The following AKAP8 variants were observed in gnomAD, a reference collection of about 807,000 sequenced individuals.
AKAP8 encodes the protein A-kinase anchor protein 8.
Under a neutral mutation model 67.5 loss-of-function variants are expected in AKAP8, and 24 were observed. The ratio of observed to expected loss-of-function variants is 0.36; its 90% CI spans 0.26 to 0.50. The LOEUF is 0.50. Ranked by LOEUF, AKAP8 falls within the 20% of genes least tolerant of loss-of-function variation. AKAP8 has a pLI of 0.97. For synonymous variants in AKAP8, 400 were observed against 371.1 expected (o/e 1.08, Z -0.90); for missense variants, 971 against 955.9 (o/e 1.02, Z -0.21).
intron 1 of AKAP8, 67 bp from the exon 2 acceptor site, chr19:15,377,081 C>T (rs1967265897): frequency 1.3e-6 from 2 of 1,544,950 alleles, no homozygotes; most frequent in South Asian, 1.2e-5. Context: ...TTTGGGGGTA[C>T]TCCTAAAGGG....
intron 9 of AKAP8, among the ~76,000 whole-genome samples, chr19:15,363,495 C>T (rs1357440280): frequency 1.4e-5 from 2 of 138,950 alleles, no homozygotes; most frequent in African/African-American, 3.0e-5. Flanking sequence ...GGGGGGTCAG[C>T]CCCCCGCCCG....
Position 15,372,299 on chromosome 19 carries a change from T to C in AKAP8, c.910A>G (p.Lys304Glu), listed in dbSNP as rs1433315191. The change falls in exon 6 of 14, where the codon AAA (lysine) becomes GAA (glutamate). Residue 304 changes from lysine to glutamate, a missense_variant. Lys to Glu is a moderately conservative substitution (Grantham distance 56, BLOSUM62 1). This residue lies in a region of AKAP8 where 763 missense variants were observed against 745.4 expected (regional missense o/e 1.02). Transcript: ENST00000269701. ...TCGTAAAGTTGGAACTGCTTCCGTT[T>C]CCTGCCCGTGCCATCTGGTCCGAAG... ...DRFGPDGTGRKRKQFQLYEEP... is the reference protein window; with the variant it reads ...DRFGPDGTGRERKQFQLYEEP... 6.2e-7 allele frequency: 1 copy of C among 1,614,042 alleles called. No individual in the cohort carries two copies. The highest frequency in any genetic ancestry group is 1.7e-5 in the Admixed American group (1 of 60,000).
chr19:15,364,352 T>A (rs1967035878), intron 9 of AKAP8, among the ~76,000 whole-genome samples: 1 of 151,464 alleles, frequency 6.6e-6, no homozygotes, highest in Non-Finnish European at 1.5e-5. Flanking sequence ...TATTTTATTT[T>A]ATTTATTTAT....
At chr19:15,366,249 G>A (rs1189420498) in intron 9 of AKAP8, among the ~76,000 whole-genome samples, 2 of 150,000 alleles carry the variant, frequency 1.3e-5, no homozygotes, top group Admixed American at 6.6e-5. Flanking sequence ...GATCTCTTGA[G>A]GCTAGTTCAA....
In AKAP8 at chr19:15,353,468, A is replaced by G. The variant is rs1036759967; in HGVS notation, c.*1447T>C. 4.0e-5 allele frequency: 6 copies of G among 151,802 alleles called. No individual in the cohort carries two copies. Among genetic ancestry groups the G allele is most frequent in the African/African-American group, 1.5e-4 (6 of 41,360 alleles). The allele number at this position is 151,802 out of a possible 1,614,324, so 9.4% of individuals were successfully genotyped here. A position where few individuals can be genotyped will look rare whatever the true frequency, so the allele number is the denominator to read the frequency against. ...AAGGCATGCTCACCCTGCGATTAAG[A>G]CGCATCTACACAACACAAACGGATG... is the stretch of plus-strand genomic sequence containing the variant. On this transcript the variant is annotated 3_prime_UTR_variant, in exon 14 of 14. Transcript: ENST00000269701.
intron 9 of AKAP8, among the ~76,000 whole-genome samples, chr19:15,366,274 G>A (rs1224579155): frequency 3.3e-5 from 5 of 151,166 alleles, no homozygotes; most frequent in African/African-American, 7.3e-5. Context: ...CCAAGCAACA[G>A]AGAAAGACCC....
Position 15,372,922 on chromosome 19 carries a change from C to A in AKAP8, c.790G>T (p.Ala264Ser). 1 of 1,524,288 alleles carries A rather than the reference C, an allele frequency of 6.6e-7. No individual in the cohort carries two copies. The highest frequency in any genetic ancestry group is 8.8e-7 in the Non-Finnish European group (1 of 1,137,020). 94.4% of individuals were successfully genotyped at this position (1,524,288 alleles called of 1,614,324 possible). A position where few individuals can be genotyped will look rare whatever the true frequency, so the allele number is the denominator to read the frequency against. ...PDYGVMGMQG[A>S]GGYDSTMPYG... ...GGCATGGTGCTGTCATAGCCGCCCG[C>A]CCCCTGCATGCCCATCACGCCGTAG... Residue 264 changes from alanine to serine, a missense_variant, in exon 5 of 14, where the codon GCG becomes TCG. Transcript: ENST00000269701.
chr19:15,378,028 A>G (rs1307603984), intron 1 of AKAP8, among the ~76,000 whole-genome samples: 1 of 151,998 alleles, frequency 6.6e-6, no homozygotes, highest in Non-Finnish European at 1.5e-5. Flanking sequence ...GAACATATCC[A>G]TGTCTCCCTC....
intron 13 of AKAP8, 61 bp downstream of exon 13, chr19:15,358,906 T>C: frequency 6.7e-7 from 1 of 1,483,448 alleles, no homozygotes; most frequent in Non-Finnish European, 9.4e-7. Context: ...AACTCCCTGC[T>C]CCTGGGGTTC....
Position 15,362,349 on chromosome 19 carries a change from G to A in AKAP8, c.1161-98C>T, listed in dbSNP as rs1966981515. On this transcript the variant is annotated intron_variant, in intron 9 of 13. Coordinates refer to ENST00000269701, the MANE Select transcript of AKAP8 (RefSeq NM_005858.4). ...TCTGAGGAGAGCTGAAATAGAAACAGGATTTTCAGCTCTCCCCCTCCCCCT... is the reference window on the plus strand; with the variant it reads ...TCTGAGGAGAGCTGAAATAGAAACAAGATTTTCAGCTCTCCCCCTCCCCCT... 3.6e-6 allele frequency: 5 copies of A among 1,390,606 alleles called. No homozygotes were observed. The Middle Eastern group carries it at 6.3e-4, about 175-fold the overall frequency. The allele number at this position is 1,390,606 out of a possible 1,614,324, so 86.1% of individuals were successfully genotyped here. A position where few individuals can be genotyped will look rare whatever the true frequency, so the allele number is the denominator to read the frequency against.
intron 2 of AKAP8, 87 bp from the exon 3 acceptor site, chr19:15,374,722 G>A: frequency 6.6e-7 from 1 of 1,504,684 alleles, no homozygotes; most frequent in Non-Finnish European, 9.2e-7. Flanking sequence ...ACCCTCCACA[G>A]CCCCAGGGCC....
intron 3 of AKAP8, 35 bp downstream of exon 3, chr19:15,374,568 G>A (rs373442501): frequency 3.6e-5 from 58 of 1,606,468 alleles, no homozygotes; most frequent in Non-Finnish European, 4.3e-5. Context: ...AGGCCCACTT[G>A]CCCGCCCACA....
At chr19:15,363,368 C>A (rs1266361424) in intron 9 of AKAP8, among the ~76,000 whole-genome samples, 24 of 145,692 alleles carry the variant, frequency 1.6e-4, no homozygotes, top group Admixed American at 5.4e-4. Flanking sequence ...GGGGGTCAGC[C>A]CCCCGCCCGG....
In AKAP8 at chr19:15,368,229, C is replaced by A; in HGVS notation, c.1160+6G>T. 2 of 1,611,262 alleles carry A rather than the reference C, an allele frequency of 1.2e-6. No individual in the cohort carries two copies. The highest frequency in any genetic ancestry group is 1.7e-6 in the Non-Finnish European group (2 of 1,179,846). On this transcript the variant is annotated splice_donor_region_variant and intron_variant, in intron 9 of 13. Transcript: ENST00000269701. ...CCTCCTGTGGGGTCGTGTGCCCGCGCCTCACCTGTCGGCTGCACGGTCCCG... is the reference window on the plus strand; with the variant it reads ...CCTCCTGTGGGGTCGTGTGCCCGCGACTCACCTGTCGGCTGCACGGTCCCG...
At chr19:15,363,673 G>A (rs1967018902) in intron 9 of AKAP8, among the ~76,000 whole-genome samples, 1 of 152,126 alleles carries the variant, frequency 6.6e-6, no homozygotes, top group African/African-American at 2.4e-5. Flanking sequence ...ACAGCTCATT[G>A]AGAACGGGCC....
chr19:15,368,703 G>A (rs969650731), intron 8 of AKAP8: 14 of 985,194 alleles, frequency 1.4e-5, no homozygotes, highest in Non-Finnish European at 1.7e-5. Context: ...CCCGGATGAA[G>A]AGGCGGCAGC....
rs1967345046 is a variant in AKAP8 at position 15,379,785 on chromosome 19, T to C, written c.-54A>G. 6.2e-7 allele frequency: 1 copy of C among 1,607,938 alleles called. No homozygotes were observed. The highest frequency in any genetic ancestry group is 1.1e-5 in the South Asian group (1 of 90,140). ...GTTTACTAGGCGACCACAGCACGCA[T>C]GCGTTCAGCGCACCTCCGCCATCGA... On this transcript the variant is annotated 5_prime_UTR_variant, in exon 1 of 14. An upstream start codon of the reference 5' UTR is lost. Coordinates refer to ENST00000269701, the MANE Select transcript of AKAP8 (RefSeq NM_005858.4).
At chr19:15,370,625 CTTTTTTT>C (rs71176407) in intron 7 of AKAP8, among the ~76,000 whole-genome samples, 2 of 80,968 alleles carry the variant, frequency 2.5e-5, no homozygotes, top group Non-Finnish European at 4.4e-5. Context: ...TACCCAATGT[CTTTTTTT>C]TTTTTTTTTT....
intron 2 of AKAP8, among the ~76,000 whole-genome samples, chr19:15,375,902 T>C (rs1568255037): frequency 6.6e-6 from 1 of 151,768 alleles, no homozygotes; most frequent in Non-Finnish European, 1.5e-5. Flanking sequence ...CCTCCCAAAA[T>C]GCTGGGATTA....
Sources: allele counts gnomAD v4.1 joint callset (sites outside exome capture counted in the v4.1 genomes callset), GRCh38; gene constraint gnomAD v4.1.1; regional missense constraint gnomAD v4.1.1; transcripts MANE v1.5; gene names NCBI Gene and HGNC (gene_info 2026-07-23, HGNC 2026-07-21).